The following EPB41L4B variants were observed in gnomAD, a reference collection of about 807,000 sequenced individuals.
EPB41L4B encodes the protein band 4.1-like protein 4B.
EPB41L4B carries 30 observed loss-of-function variants against 112.5 expected under a neutral mutation model. The observed-to-expected ratio is 0.27, with a 90% CI of 0.20 to 0.36. The LOEUF (loss-of-function observed/expected upper bound fraction) is 0.36. Among genes scored for constraint, EPB41L4B ranks in the 10% least tolerant of loss-of-function variants. The pLI, the probability that EPB41L4B is intolerant of heterozygous loss-of-function variation, is 1.00. For synonymous variants in EPB41L4B, 408 were observed against 439.7 expected (o/e 0.93, Z 0.90); for missense variants, 1,024 against 1,133.3 (o/e 0.90, Z 1.38).
At chr9:109,192,213 G>A (rs945367467) in intron 22 of EPB41L4B, 65 bp downstream of exon 22, 53 of 1,310,200 alleles carry the variant, frequency 4.0e-5, no homozygotes, top group Non-Finnish European at 5.0e-5. Flanking sequence ...CTGTCCATCC[G>A]TCCCACTGCC....
intron 1 of EPB41L4B, among the ~76,000 whole-genome samples, chr9:109,312,249 A>C (rs1837438641): frequency 6.6e-6 from 1 of 152,268 alleles, no homozygotes; most frequent in South Asian, 2.1e-4. Context: ...GTTGCTATGC[A>C]GCAGGATAGG....
At chr9:109,276,302 G>T (rs1052028251) in intron 2 of EPB41L4B, among the ~76,000 whole-genome samples, 2 of 144,528 alleles carry the variant, frequency 1.4e-5, no homozygotes, top group Admixed American at 7.1e-5. Context: ...CACGCTTCAT[G>T]AAGGGTGAGG....
In EPB41L4B at chr9:109,213,832, A is replaced by G; in HGVS notation, c.1634-14T>C. 1 of 1,609,988 alleles carries G rather than the reference A, an allele frequency of 6.2e-7. No individual in the cohort carries two copies. The highest frequency in any genetic ancestry group is 8.5e-7 in the Non-Finnish European group (1 of 1,176,158). On this transcript the variant is annotated splice_polypyrimidine_tract_variant and intron_variant, in intron 16 of 25. Coordinates refer to ENST00000374566, the MANE Select transcript of EPB41L4B (RefSeq NM_019114.5). ...CTGGACTCAGTTCTACAAAGCAGCC[A>G]GGAGAAATAAATAAGGAAAGGTTGA...
chr9:109,269,503 C>CATCA (rs1835532161), intron 2 of EPB41L4B, among the ~76,000 whole-genome samples: 1 of 152,366 alleles, frequency 6.6e-6, no homozygotes, highest in East Asian at 1.9e-4. Context: ...TGCAGACAGA[C>CATCA]ATCAGCTCCT....
At chr9:109,175,456 C>T (rs1831783931) in intron 25 of EPB41L4B, among the ~76,000 whole-genome samples, 1 of 143,308 alleles carries the variant, frequency 7.0e-6, no homozygotes, top group Non-Finnish European at 1.5e-5. Flanking sequence ...TGTAACCTGT[C>T]TCCACTGTTT....
At chr9:109,223,927 G>A (rs1330425716) in intron 15 of EPB41L4B, among the ~76,000 whole-genome samples, 4 of 152,136 alleles carry the variant, frequency 2.6e-5, no homozygotes, top group Admixed American at 6.5e-5. Flanking sequence ...GCTGAAGCAC[G>A]AGAATTACTT....
At chr9:109,298,757 C>T (rs897247735) in intron 1 of EPB41L4B, among the ~76,000 whole-genome samples, 1 of 152,164 alleles carries the variant, frequency 6.6e-6, no homozygotes. Context: ...CTTTTAACTG[C>T]TAAGAGTTGA....
chr9:109,222,925 T>G (rs1458077081), intron 15 of EPB41L4B, among the ~76,000 whole-genome samples: 1 of 152,150 alleles, frequency 6.6e-6, no homozygotes, highest in Non-Finnish European at 1.5e-5. Context: ...TTCTCTTCCC[T>G]TTTCTCAGGG....
At chr9:109,256,055 C>A (rs1834972772) in intron 9 of EPB41L4B, 81 bp downstream of exon 9, 1 of 1,315,690 alleles carries the variant, frequency 7.6e-7, no homozygotes, top group Non-Finnish European at 1.1e-6. Flanking sequence ...GTTGCAGATA[C>A]CCCTCAATAA....
At chr9:109,277,417 G>C (rs1835876013) in intron 2 of EPB41L4B, among the ~76,000 whole-genome samples, 1 of 152,104 alleles carries the variant, frequency 6.6e-6, no homozygotes, top group Non-Finnish European at 1.5e-5. Flanking sequence ...AGCAGGTGAG[G>C]CAACTGCTGG....
At chr9:109,297,990 G>A (rs1042878457) in intron 1 of EPB41L4B, among the ~76,000 whole-genome samples, 8 of 152,144 alleles carry the variant, frequency 5.3e-5, no homozygotes, top group African/African-American at 1.4e-4. Flanking sequence ...ATCTGATGGA[G>A]GAGTATACAA....
At chr9:109,264,825 A>G (rs1378177033) in intron 5 of EPB41L4B, among the ~76,000 whole-genome samples, 155 bp downstream of exon 5, 1 of 152,242 alleles carries the variant, frequency 6.6e-6, no homozygotes, top group Non-Finnish European at 1.5e-5. Flanking sequence ...GATGATAATG[A>G]CAGTGATACA....
At chr9:109,306,801 C>A (rs17802723) in intron 1 of EPB41L4B, among the ~76,000 whole-genome samples, 1 of 152,134 alleles carries the variant, frequency 6.6e-6, no homozygotes, top group Non-Finnish European at 1.5e-5. Context: ...AATCAGCCAG[C>A]CTTCGAAAAG....
chr9:109,237,437 T>C (rs1161290782), intron 15 of EPB41L4B, among the ~76,000 whole-genome samples: 3 of 152,204 alleles, frequency 2.0e-5, no homozygotes, highest in Non-Finnish European at 4.4e-5. Context: ...AAAAGTTAAT[T>C]CCATTAGTTA....
chr9:109,189,107 T>G (rs986333471), intron 22 of EPB41L4B, among the ~76,000 whole-genome samples: 1 of 152,184 alleles, frequency 6.6e-6, no homozygotes, highest in Non-Finnish European at 1.5e-5. Flanking sequence ...GAGCAGGTGC[T>G]GTCTTGACTC....
rs1834324494 is a variant in EPB41L4B, at chr9:109,240,712, AACCTTAT to A, written c.1409+2899_1409+2905del. 6 of 985,314 alleles carry A rather than the reference AACCTTAT, an allele frequency of 6.1e-6. No homozygotes were observed. In the South Asian group the frequency reaches 2.3e-4, roughly 39 times the overall value. 61.0% of individuals were successfully genotyped at this position (985,314 alleles called of 1,614,324 possible). ...GAATGCTTTGGCACAACTTCAAGAA[AACCTTAT>A]ATGCTTTCATTTGAGCCATAAATGA... On this transcript the variant is annotated intron_variant, in intron 15 of 25. Coordinates refer to ENST00000374566, the MANE Select transcript of EPB41L4B (RefSeq NM_019114.5).
intron 12 of EPB41L4B, 132 bp from the exon 13 acceptor site, chr9:109,251,643 A>C: frequency 2.5e-6 from 2 of 809,002 alleles, no homozygotes; most frequent in Non-Finnish European, 2.2e-6. Flanking sequence ...GCAGAACTGC[A>C]TGGTGGCTAC....
At chr9:109,306,487 G>T (rs1055419910) in intron 1 of EPB41L4B, among the ~76,000 whole-genome samples, 1 of 152,172 alleles carries the variant, frequency 6.6e-6, no homozygotes, top group African/African-American at 2.4e-5. Flanking sequence ...GGTGGTAGGC[G>T]CCTGTAATCC....
intron 1 of EPB41L4B, among the ~76,000 whole-genome samples, chr9:109,316,116 TCA>T (rs2119288842): frequency 6.6e-6 from 1 of 152,304 alleles, no homozygotes; most frequent in African/African-American, 2.4e-5. Flanking sequence ...AGTCAATGGC[TCA>T]GAGAGCTGCA....
Sources: gnomAD v4.1 joint callset for allele counts (sites outside exome capture counted in the v4.1 genomes callset) on GRCh38, gnomAD v4.1.1 for gene constraint, MANE v1.5 for transcripts, NCBI Gene and HGNC (gene_info 2026-07-23, HGNC 2026-07-21) for gene names.